Variants in STAM observed in about 807,000 individuals in gnomAD.
STAM encodes signal transducing adapter molecule 1.
Under a neutral mutation model 63.4 loss-of-function variants are expected in STAM, and 16 were observed. The observed-to-expected ratio is 0.25, with a 90% CI of 0.17 to 0.38. STAM has a LOEUF of 0.38. Among genes scored for constraint, STAM ranks in the 10% least tolerant of loss-of-function variants. The pLI, the probability that STAM is intolerant of heterozygous loss-of-function variation, is 1.00. For missense variants in STAM, 636 were observed against 657.1 expected (o/e 0.97, Z 0.35); for synonymous variants, 238 against 223.9 (o/e 1.06, Z -0.56).
chr10:17,714,466 T>C, intron 13 of STAM, 77 bp from the exon 14 acceptor site: 1 of 1,347,198 alleles, frequency 7.4e-7, no homozygotes, highest in Non-Finnish European at 1.1e-6. Context: ...GAATGCTTAG[T>C]AAATAGCTTT....
intron 1 of STAM, among the ~76,000 whole-genome samples, chr10:17,656,246 A>T (rs1222857860): frequency 4.0e-5 from 6 of 150,614 alleles, no homozygotes; most frequent in Admixed American, 1.3e-4. Flanking sequence ...GTGAGCCGAG[A>T]TCGCACCACT....
In STAM at chr10:17,684,048, T is replaced by C. The variant is rs116763727; in HGVS notation, c.126-627T>C. Among the ~76,000 whole-genome samples the C allele has an allele frequency of 5.3e-3, 802 of 152,324 alleles. 12 individuals carry two copies. Among genetic ancestry groups the C allele is most frequent in the African/African-American group, 0.019 (778 of 41,568 alleles). ...AATCCTCTGGATTTTCAATAGATGC[T>C]TCACTGTGGCCTCATCTCTGACGAC... is the stretch of plus-strand genomic sequence containing the variant. On this transcript the variant is annotated intron_variant, in intron 2 of 13. Transcript: ENST00000377524.
intron 2 of STAM, among the ~76,000 whole-genome samples, chr10:17,671,211 G>A (rs1215393730): frequency 6.6e-6 from 1 of 152,106 alleles, no homozygotes; most frequent in African/African-American, 2.4e-5. Context: ...CAATATAGAC[G>A]TACATATGTC....
In STAM at chr10:17,696,775, T is replaced by C; in HGVS notation, c.729T>C (p.Ser243=). The change falls in exon 8 of 14, where the codon AGT becomes AGC. Residue 243 remains serine (S), a splice_region_variant and synonymous_variant. Transcript: ENST00000377524. ...AGEIITVLDD[S]DPNWWKGETH... ...AAGCATTGTTTTTTGTTTGTCATAGTGATCCTAACTGGTGGAAAGGTGAAA... is the reference window on the plus strand; with the variant it reads ...AAGCATTGTTTTTTGTTTGTCATAGCGATCCTAACTGGTGGAAAGGTGAAA... 6.2e-7 allele frequency: 1 copy of C among 1,609,310 alleles called. No homozygotes were observed. Among genetic ancestry groups the C allele is most frequent in the East Asian group, 2.2e-5 (1 of 44,852 alleles).
intron 4 of STAM, among the ~76,000 whole-genome samples, chr10:17,686,782 C>CA (rs1191621798): frequency 3.3e-5 from 5 of 152,336 alleles, no homozygotes; most frequent in African/African-American, 9.6e-5. Flanking sequence ...GACCAAAATA[C>CA]AGATTACATG....
chr10:17,695,283 A>G (rs782085409), intron 7 of STAM, 42 bp downstream of exon 7: 6 of 1,563,604 alleles, frequency 3.8e-6, no homozygotes, highest in African/African-American at 1.4e-5. Flanking sequence ...GAAAGTGTGT[A>G]TGGCTTCTGT....
At chr10:17,652,180 A>C (rs1554821626) in intron 1 of STAM, among the ~76,000 whole-genome samples, 1 of 152,200 alleles carries the variant, frequency 6.6e-6, no homozygotes, top group African/African-American at 2.4e-5. Flanking sequence ...TGTCTTAGAA[A>C]ATAAATAGTT....
rs79056392 is a variant in STAM at position 17,691,963 on chromosome 10, A to T, written c.445-1259A>T. ...TAGTTGTCATGTGTATTACCTCTAC[A>T]TACGTTATAAGCCCCGGAGGTAATG... is the stretch of plus-strand genomic sequence containing the variant. On this transcript the variant is annotated intron_variant, in intron 5 of 13. Coordinates refer to ENST00000377524, the MANE Select transcript of STAM (RefSeq NM_003473.4). Among the ~76,000 whole-genome samples, 7 of 152,330 alleles carry T rather than the reference A, an allele frequency of 4.6e-5. No individual in the cohort carries two copies. In the South Asian group the frequency reaches 1.4e-3, roughly 32 times the overall value.
chr10:17,685,714 T>A (rs769182137), intron 4 of STAM, among the ~76,000 whole-genome samples: 6 of 152,134 alleles, frequency 3.9e-5, no homozygotes, highest in South Asian at 2.1e-4. Flanking sequence ...GTGGAAAACA[T>A]GCAGCTGGCT....
chr10:17,672,377 C>A (rs782734043), intron 2 of STAM, among the ~76,000 whole-genome samples: 7 of 152,176 alleles, frequency 4.6e-5, no homozygotes, highest in Admixed American at 1.3e-4. Context: ...TTTCCTTGAT[C>A]CTCTGACTGT....
intron 2 of STAM, among the ~76,000 whole-genome samples, chr10:17,678,105 A>G (rs1834927801): frequency 6.6e-6 from 1 of 152,138 alleles, no homozygotes; most frequent in Non-Finnish European, 1.5e-5. Flanking sequence ...AGAAAGCTGT[A>G]CTCATTAGCA....
intron 2 of STAM, among the ~76,000 whole-genome samples, chr10:17,679,981 C>A (rs1554825111): frequency 1.3e-5 from 2 of 151,790 alleles, no homozygotes; most frequent in Non-Finnish European, 2.9e-5. Flanking sequence ...TCTTTCTTGG[C>A]CAGTCTAACC....
intron 1 of STAM, among the ~76,000 whole-genome samples, chr10:17,649,180 G>A (rs971987312): frequency 4.6e-5 from 7 of 152,312 alleles, no homozygotes; most frequent in Non-Finnish European, 1.0e-4. Flanking sequence ...GAGGCAGGAG[G>A]ATTCCTTGAG....
intron 2 of STAM, among the ~76,000 whole-genome samples, chr10:17,674,802 G>C (rs1420576941): frequency 6.6e-6 from 1 of 152,108 alleles, no homozygotes; most frequent in Non-Finnish European, 1.5e-5. Context: ...TAATTTGCCT[G>C]AGGCCTGTTA....
At chr10:17,658,510 C>T (rs966021996) in intron 1 of STAM, among the ~76,000 whole-genome samples, 1 of 150,944 alleles carries the variant, frequency 6.6e-6, no homozygotes, top group African/African-American at 2.4e-5. Flanking sequence ...TTCTGCCTAC[C>T]TGACCTGTCC....
chr10:17,660,489 T>C lies in STAM; in HGVS notation c.66T>C (p.Thr22=). The C allele has an allele frequency of 6.2e-7, 1 of 1,605,932 alleles. No homozygotes were observed. The highest frequency in any genetic ancestry group is 1.1e-5 in the South Asian group (1 of 89,858). ...DVEKATSEMN[T]AEDWGLILDI... is the part of the protein sequence containing the mutation. The stretch of plus-strand genomic sequence containing the variant: ...AGAAAGCAACCAGCGAGATGAATAC[T>C]GCTGAGGACTGGGGCCTCATTTTGG... The change falls in exon 2 of 14, where the codon ACT becomes ACC. Residue 22 remains threonine (T), a synonymous_variant. Transcript: ENST00000377524.
intron 2 of STAM, among the ~76,000 whole-genome samples, chr10:17,673,805 C>T (rs1834737114): frequency 6.6e-6 from 1 of 152,260 alleles, no homozygotes; most frequent in Non-Finnish European, 1.5e-5. Flanking sequence ...AAAGCAGGCA[C>T]TCCCTAAGCG....
intron 1 of STAM, among the ~76,000 whole-genome samples, chr10:17,648,094 C>T (rs891712573): frequency 4.6e-5 from 7 of 152,208 alleles, no homozygotes; most frequent in African/African-American, 1.7e-4. Flanking sequence ...CTTCACACTT[C>T]ACATTCATCC....
intron 13 of STAM, 35 bp from the exon 14 acceptor site, chr10:17,714,508 T>A (rs782002006): frequency 6.3e-7 from 1 of 1,577,772 alleles, no homozygotes; most frequent in Non-Finnish European, 8.7e-7. Flanking sequence ...TATAAATCAG[T>A]ATTGATGTAA....
Sources: gnomAD v4.1 joint callset for allele counts (sites outside exome capture counted in the v4.1 genomes callset) on GRCh38, gnomAD v4.1.1 for gene constraint, MANE v1.5 for transcripts, NCBI Gene and HGNC (gene_info 2026-07-23, HGNC 2026-07-21) for gene names.